RAD54L2: variants seen among roughly 807,000 people sequenced by gnomAD.
The protein encoded by RAD54L2 is helicase ARIP4.
Under a neutral mutation model 138.4 loss-of-function variants are expected in RAD54L2, and 27 were observed. The observed-to-expected ratio is 0.20, with a 90% CI of 0.14 to 0.27. RAD54L2 has a LOEUF of 0.27. RAD54L2 is among the 10% of genes least tolerant of loss of function. The pLI, the probability that RAD54L2 is intolerant of heterozygous loss-of-function variation, is 1.00. For synonymous variants in RAD54L2, 644 were observed against 723.2 expected (o/e 0.89, Z 1.76); for missense variants, 1,396 against 1,890.2 (o/e 0.74, Z 4.85).
At chr3:51,546,347 A>C (rs1465634126) in intron 2 of RAD54L2, among the ~76,000 whole-genome samples, 1 of 152,160 alleles carries the variant, frequency 6.6e-6, no homozygotes. Context: ...TCAGATAAAA[A>C]GGAAAACTGA....
intron 3 of RAD54L2, among the ~76,000 whole-genome samples, chr3:51,626,559 C>A (rs1700694274): frequency 6.8e-6 from 1 of 146,016 alleles, no homozygotes; most frequent in Non-Finnish European, 1.5e-5. Flanking sequence ...ATGCTCCTGC[C>A]TTAGCCTCCC....
intron 3 of RAD54L2, among the ~76,000 whole-genome samples, chr3:51,620,722 C>T (rs940328715): frequency 1.3e-5 from 2 of 152,106 alleles, no homozygotes; most frequent in African/African-American, 4.8e-5. Flanking sequence ...GGTTACTGCT[C>T]ACAGCTGGCT....
At chr3:51,587,402 G>A (rs1347659738) in intron 2 of RAD54L2, among the ~76,000 whole-genome samples, 1 of 152,028 alleles carries the variant, frequency 6.6e-6, no homozygotes, top group Non-Finnish European at 1.5e-5. Context: ...ACGTCTGGCC[G>A]GATAGTCGTT....
chr3:51,572,790 C>T (rs1485931269), intron 2 of RAD54L2, among the ~76,000 whole-genome samples: 2 of 151,588 alleles, frequency 1.3e-5, no homozygotes, highest in African/African-American at 4.8e-5. Context: ...AGGCGCCTGC[C>T]ACTACGCCCA....
rs1326246749 is a variant in RAD54L2, at chr3:51,667,616, T to C, written c.*4196T>C. On this transcript the variant is annotated 3_prime_UTR_variant, in exon 23 of 23. Coordinates refer to ENST00000684192, the MANE Select transcript of RAD54L2 (RefSeq NM_015106.4). ...GATGTTCTGGCCCTCTGCTGACTAC[T>C]CCCAGGAATCAGCACCTCAAGGACT... is the stretch of plus-strand genomic sequence containing the variant. 6.6e-6 allele frequency: 1 copy of C among 152,232 alleles called. No individual in the cohort carries two copies. Among genetic ancestry groups the C allele is most frequent in the Non-Finnish European group, 1.5e-5 (1 of 68,062 alleles). 9.4% of individuals were successfully genotyped at this position (152,232 alleles called of 1,614,324 possible).
intron 10 of RAD54L2, among the ~76,000 whole-genome samples, chr3:51,636,777 C>CA (rs1180450442): frequency 6.6e-6 from 1 of 152,006 alleles, no homozygotes; most frequent in African/African-American, 2.4e-5. Context: ...ACTAAAAATA[C>CA]AAAAAATTAG....
Position 51,645,615 on chromosome 3 carries a change from C to T in RAD54L2, c.2681C>T (p.Pro894Leu). ...GATCGGGTGGTGGATGATCTAAATC[C>T]AATGCTGAACTTCACACGGAAAGAG... ...MSDRVVDDLN[P>L]MLNFTRKEVE... is the part of the protein sequence containing the mutation. The change falls in exon 18 of 23, where the codon CCA (proline) becomes CTA (leucine). Residue 894 changes from proline (P) to leucine (L), a missense_variant. Coordinates refer to ENST00000684192, the MANE Select transcript of RAD54L2 (RefSeq NM_015106.4). This position sits in a 1 kb window ranked among gnomAD's most constrained non-coding sequence, Gnocchi z 6.1. The T allele has an allele frequency of 6.2e-7, 1 of 1,612,050 alleles. No homozygotes were observed. The highest frequency in any genetic ancestry group is 8.5e-7 in the Non-Finnish European group (1 of 1,179,138).
At chr3:51,553,569 G>A (rs187360167) in intron 2 of RAD54L2, among the ~76,000 whole-genome samples, 143 of 152,270 alleles carry the variant, frequency 9.4e-4, no homozygotes, top group African/African-American at 3.2e-3. Context: ...GCTTATGTCC[G>A]TAATTCCAGT....
At position 51,635,730 on chromosome 3, in the gene RAD54L2, G is replaced by T. The variant is rs755337842; in HGVS notation, c.1280G>T (p.Arg427Leu). The change falls in exon 10 of 23, where the codon CGT becomes CTT. Residue 427 changes from arginine (R) to leucine (L), a missense_variant. Physicochemically the swap from Arg to Leu is moderately radical, Grantham distance 102 (BLOSUM62 -2). Coordinates refer to ENST00000684192, the MANE Select transcript of RAD54L2 (RefSeq NM_015106.4). ...GGTAGACCGAAGAAAACCAAGAAGCGTTCTCACCCAGTCATCATTGATCTA... is the reference window on the plus strand; with the variant it reads ...GGTAGACCGAAGAAAACCAAGAAGCTTTCTCACCCAGTCATCATTGATCTA... The part of the protein sequence containing the change: ...ATGRPKKTKK[R>L]SHPVIIDLDE... 3 of 1,613,686 alleles carry T rather than the reference G, an allele frequency of 1.9e-6. No individual in the cohort carries two copies. The highest frequency in any genetic ancestry group is 2.5e-6 in the Non-Finnish European group (3 of 1,179,850).
intron 2 of RAD54L2, among the ~76,000 whole-genome samples, chr3:51,545,642 T>C (rs1698672361): frequency 6.6e-6 from 1 of 152,112 alleles, no homozygotes; most frequent in African/African-American, 2.4e-5. Context: ...TACAGTGGCA[T>C]GATCATAGCT....
At chr3:51,652,792 A>G (rs58533304) in intron 19 of RAD54L2, among the ~76,000 whole-genome samples, 2 of 152,364 alleles carry the variant, frequency 1.3e-5, no homozygotes, top group East Asian at 3.9e-4. Flanking sequence ...GATGGATTAA[A>G]GACTTAAATG....
intron 3 of RAD54L2, 37 bp downstream of exon 3, chr3:51,590,596 T>A: frequency 1.3e-6 from 2 of 1,552,390 alleles, no homozygotes; most frequent in Non-Finnish European, 1.7e-6. Context: ...AGTTGCCTTA[T>A]ATTTTCCTCC....
chr3:51,587,564 A>G (rs1455214250), intron 2 of RAD54L2, among the ~76,000 whole-genome samples: 1 of 152,138 alleles, frequency 6.6e-6, no homozygotes, highest in Admixed American at 6.5e-5. Context: ...AAAAATTTAA[A>G]TTTTATTACT....
intron 7 of RAD54L2, among the ~76,000 whole-genome samples, chr3:51,632,649 T>C (rs1433804827): frequency 1.3e-5 from 2 of 149,270 alleles, no homozygotes; most frequent in Admixed American, 6.6e-5. Flanking sequence ...ATCCTGGCGC[T>C]TTGGGAGGCC....
At chr3:51,593,986 C>T (rs942353096) in intron 3 of RAD54L2, among the ~76,000 whole-genome samples, 4 of 151,374 alleles carry the variant, frequency 2.6e-5, no homozygotes, top group Non-Finnish European at 4.4e-5. Flanking sequence ...GTATAATTTT[C>T]CCTGTAAGCT....
intron 2 of RAD54L2, among the ~76,000 whole-genome samples, chr3:51,588,490 G>A (rs1388408413): frequency 2.9e-5 from 4 of 139,920 alleles, no homozygotes; most frequent in African/African-American, 7.8e-5. Flanking sequence ...AGCTGAGATC[G>A]TGCCACTGCA....
chr3:51,578,650 A>C (rs1488940660), intron 2 of RAD54L2, among the ~76,000 whole-genome samples: 1 of 152,166 alleles, frequency 6.6e-6, no homozygotes, highest in African/African-American at 2.4e-5. Context: ...GAGGGGGAGC[A>C]CTGGTGAGTG....
intron 3 of RAD54L2, among the ~76,000 whole-genome samples, chr3:51,609,368 TG>T (rs1470853455): frequency 6.6e-6 from 1 of 152,224 alleles, no homozygotes; most frequent in Non-Finnish European, 1.5e-5. Flanking sequence ...TCTCTTAGGC[TG>T]GGGTGTGGGA....
intron 7 of RAD54L2, among the ~76,000 whole-genome samples, chr3:51,632,838 A>T (rs1384877266): frequency 6.7e-6 from 1 of 148,256 alleles, no homozygotes; most frequent in Non-Finnish European, 1.5e-5. Context: ...GGTTGCACTG[A>T]GCTGAGATTG....
Sources: allele counts gnomAD v4.1 joint callset (sites outside exome capture counted in the v4.1 genomes callset), GRCh38; gene constraint gnomAD v4.1.1; non-coding constraint Gnocchi (gnomAD v3.1); transcripts MANE v1.5; gene names NCBI Gene and HGNC (gene_info 2026-07-23, HGNC 2026-07-21).